The following IL15 variants were observed in gnomAD, a reference collection of about 807,000 sequenced individuals.
IL15 encodes interleukin 15.
A neutral mutation model predicts 19.6 loss-of-function variants in IL15; 11 were observed. The ratio of observed to expected loss-of-function variants is 0.56; its 90% CI spans 0.35 to 0.93. IL15 has a LOEUF of 0.93. IL15 is among the 40% of genes least tolerant of loss of function. The probability of loss-of-function intolerance (pLI) is 0.01; values close to 1 mark genes in which losing one functional copy is unlikely to be tolerated. For synonymous variants in IL15, 58 were observed against 59.6 expected, an observed-to-expected ratio of 0.97 and a Z score of 0.12; for missense variants, 197 against 186.5, an observed-to-expected ratio of 1.06 and a Z score of -0.33.
intron 1 of IL15, among the ~76,000 whole-genome samples, chr4:141,649,995 C>T (rs554579947): frequency 6.6e-6 from 1 of 152,166 alleles, no homozygotes; most frequent in African/African-American, 2.4e-5. Context: ...AGTGTTGGCA[C>T]AACTATTCAG....
At chr4:141,710,739 T>C (rs561914968) in intron 2 of IL15, among the ~76,000 whole-genome samples, 22 of 152,316 alleles carry the variant, frequency 1.4e-4, no homozygotes, top group African/African-American at 4.8e-4. Context: ...TTGAGTTTTG[T>C]TTGTTCATTT....
chr4:141,692,153 G>T (rs1233709565), intron 2 of IL15, among the ~76,000 whole-genome samples: 1 of 152,230 alleles, frequency 6.6e-6, no homozygotes, highest in Non-Finnish European at 1.5e-5. Context: ...GCTGTGCCTT[G>T]GTCCCTTTTA....
chr4:141,694,694 A>T (rs1729034797), intron 2 of IL15, among the ~76,000 whole-genome samples: 3 of 152,126 alleles, frequency 2.0e-5, no homozygotes. Flanking sequence ...TGTATTTCAA[A>T]TTTATAACTC....
At chr4:141,668,757 A>G (rs1035201119) in intron 2 of IL15, among the ~76,000 whole-genome samples, 1 of 152,192 alleles carries the variant, frequency 6.6e-6, no homozygotes, top group Non-Finnish European at 1.5e-5. Flanking sequence ...TTGACAAATC[A>G]TATTTCCATT....
intron 2 of IL15, among the ~76,000 whole-genome samples, chr4:141,684,166 T>A (rs1265421845): frequency 6.6e-6 from 1 of 152,178 alleles, no homozygotes; most frequent in African/African-American, 2.4e-5. Flanking sequence ...ACACAGAAGT[T>A]TAGCATGTAA....
rs9282743 is a variant in IL15, at chr4:141,733,365, G to T, written c.*517G>T. 9,920 of 152,506 alleles carry T rather than the reference G, an allele frequency of 0.065. 335 individuals carry two copies. Among genetic ancestry groups the T allele is most frequent in the Middle Eastern group, 0.11 (31 of 294 alleles). 9.4% of individuals were successfully genotyped at this position (152,506 alleles called of 1,614,324 possible). On this transcript the variant is annotated 3_prime_UTR_variant, in exon 8 of 8. Coordinates refer to ENST00000320650, the MANE Select transcript of IL15 (RefSeq NM_000585.5). ...AAGAATTTGTTATCAGTAAGAAAAAGAAGAACTATATGTGAATCCTCTTCT... is the reference window on the plus strand; with the variant it reads ...AAGAATTTGTTATCAGTAAGAAAAATAAGAACTATATGTGAATCCTCTTCT...
intron 2 of IL15, among the ~76,000 whole-genome samples, chr4:141,677,356 A>AT (rs745757364): frequency 6.6e-6 from 1 of 152,054 alleles, no homozygotes; most frequent in Non-Finnish European, 1.5e-5. Flanking sequence ...TCTTAATAAC[A>AT]TTTTTTTCTC....
chr4:141,709,405 C>T (rs189525385), intron 2 of IL15, among the ~76,000 whole-genome samples: 124 of 152,082 alleles, frequency 8.2e-4, no homozygotes, highest in African/African-American at 2.8e-3. Flanking sequence ...TAAAATTTGC[C>T]CTAGGCATTG....
In IL15 at chr4:141,727,956, CT is replaced by C; in HGVS notation, c.213del (p.Thr72LeufsTer14). On this transcript the variant is annotated frameshift_variant, in exon 6 of 8. Coordinates refer to ENST00000320650, the MANE Select transcript of IL15 (RefSeq NM_000585.5). LOFTEE classifies it high-confidence loss of function. ...EDLIQSMHID[A>X]TLYTESDVHP... ...TCCTTTCAGTCTATGCATATTGATG[CT>C]ACTTTATATACGGAAAGTGATGTTC... The C allele has an allele frequency of 7.4e-7, 1 of 1,342,946 alleles. No individual in the cohort carries two copies. Among genetic ancestry groups the C allele is most frequent in the Non-Finnish European group, 1.0e-6 (1 of 953,768 alleles). 83.2% of individuals were successfully genotyped at this position (1,342,946 alleles called of 1,614,324 possible). A position where few individuals can be genotyped will look rare whatever the true frequency, so the allele number is the denominator to read the frequency against.
At chr4:141,728,204 A>C (rs1050315162) in intron 6 of IL15, among the ~76,000 whole-genome samples, 1 of 152,088 alleles carries the variant, frequency 6.6e-6, no homozygotes, top group African/African-American at 2.4e-5. Context: ...CAAAATATTA[A>C]AAGAGTCTTT....
chr4:141,666,294 C>A (rs944845409), intron 2 of IL15, among the ~76,000 whole-genome samples: 1 of 151,914 alleles, frequency 6.6e-6, no homozygotes, highest in Non-Finnish European at 1.5e-5. Flanking sequence ...GTAATCCCAG[C>A]ACTTTGGAAA....
At chr4:141,704,832 T>G (rs546989936) in intron 2 of IL15, among the ~76,000 whole-genome samples, 1 of 151,986 alleles carries the variant, frequency 6.6e-6, no homozygotes, top group South Asian at 2.1e-4. Flanking sequence ...GTCCAGAAAT[T>G]TATTCATTTC....
At chr4:141,662,283 T>G (rs1578998526) in intron 2 of IL15, among the ~76,000 whole-genome samples, 1 of 152,238 alleles carries the variant, frequency 6.6e-6, no homozygotes, top group Non-Finnish European at 1.5e-5. Flanking sequence ...TCTATCAGCT[T>G]TTGAAAGAGA....
At chr4:141,682,815 G>A (rs949700561) in intron 2 of IL15, among the ~76,000 whole-genome samples, 5 of 151,954 alleles carry the variant, frequency 3.3e-5, no homozygotes, top group African/African-American at 2.4e-5. Context: ...AAAATTAGCC[G>A]GGTGTGGTGG....
chr4:141,728,393 A>G (rs1730339751), intron 6 of IL15, among the ~76,000 whole-genome samples: 1 of 152,140 alleles, frequency 6.6e-6, no homozygotes, highest in Non-Finnish European at 1.5e-5. Context: ...GCTTAAAATC[A>G]TTCATGTTCT....
At chr4:141,680,667 TTTCC>T (rs1223967287) in intron 2 of IL15, among the ~76,000 whole-genome samples, 1 of 152,172 alleles carries the variant, frequency 6.6e-6, no homozygotes, top group Non-Finnish European at 1.5e-5. Flanking sequence ...AAACAAACAC[TTTCC>T]TTTATTTTAC....
intron 2 of IL15, among the ~76,000 whole-genome samples, chr4:141,707,121 C>T (rs957515982): frequency 1.2e-4 from 18 of 152,008 alleles, no homozygotes; most frequent in African/African-American, 4.1e-4. Context: ...CTGTGTTTTT[C>T]CTCTGACTGG....
At position 141,713,947 on chromosome 4, in the gene IL15, C is replaced by T. The variant is rs544513926; in HGVS notation, c.-99-5419C>T. On this transcript the variant is annotated intron_variant, in intron 2 of 7. Coordinates refer to ENST00000320650, the MANE Select transcript of IL15 (RefSeq NM_000585.5). Reference sequence around the variant, plus strand: ...TTCTTTCCCTTTCAGCTTACTGTGGCTGGAGAAAACACATACCACCCTAAT... The same window carrying T: ...TTCTTTCCCTTTCAGCTTACTGTGGTTGGAGAAAACACATACCACCCTAAT... Among the ~76,000 whole-genome samples the T allele has an allele frequency of 3.9e-5, 6 of 152,134 alleles. No individual in the cohort carries two copies. The South Asian group carries it at 8.3e-4, about 21-fold the overall frequency.
At chr4:141,729,093 T>C (rs1051451797) in intron 6 of IL15, among the ~76,000 whole-genome samples, 3 of 152,124 alleles carry the variant, frequency 2.0e-5, no homozygotes, top group African/African-American at 7.2e-5. Flanking sequence ...GCAGTGACTG[T>C]TGGGTTTAAG....
Sources: gnomAD v4.1 joint callset for allele counts (sites outside exome capture counted in the v4.1 genomes callset) on GRCh38, gnomAD v4.1.1 for gene constraint, MANE v1.5 for transcripts, NCBI Gene and HGNC (gene_info 2026-07-23, HGNC 2026-07-21) for gene names.